The following ITPR2 variants were observed in gnomAD, a reference collection of about 807,000 sequenced individuals.
ITPR2 encodes the protein inositol 1,4,5-trisphosphate receptor type 2, also known as inositol 1,4,5-trisphosphate-gated calcium channel ITPR2.
Under a neutral mutation model 317.1 loss-of-function variants are expected in ITPR2, and 207 were observed. The ratio of observed to expected loss-of-function variants is 0.65; its 90% confidence interval spans 0.58 to 0.73. The LOEUF is 0.73. Ranked by LOEUF, ITPR2 falls within the 30% of genes least tolerant of loss-of-function variation. The pLI, the probability that ITPR2 is intolerant of heterozygous loss-of-function variation, is 0.00. For missense variants in ITPR2, 2,613 were observed against 3,284.0 expected (o/e 0.80, Z 4.99); for synonymous variants, 1,156 against 1,149.1 (o/e 1.01, Z -0.12).
chr12:26,388,487 CAG>C (rs1939732842), intron 54 of ITPR2, among the ~76,000 whole-genome samples: 1 of 152,028 alleles, frequency 6.6e-6, no homozygotes, highest in Non-Finnish European at 1.5e-5. Context: ...TTTTTTGAGA[CAG>C]AGTCTCACTC....
At position 26,656,293 on chromosome 12, in the gene ITPR2, A is replaced by T; in HGVS notation, c.2444+4T>A. On this transcript the variant is annotated splice_donor_region_variant and intron_variant, in intron 19 of 56. Coordinates refer to ENST00000381340, the MANE Select transcript of ITPR2 (RefSeq NM_002223.4). The stretch of plus-strand genomic sequence containing the variant: ...AAAGCCTCAAGACCTTTTTCCAAAC[A>T]TACTCATGAATTGTGATCTTTGTGG... 1.2e-6 allele frequency: 2 copies of T among 1,613,378 alleles called. No individual in the cohort carries two copies. The highest frequency in any genetic ancestry group is 1.7e-6 in the Non-Finnish European group (2 of 1,179,574).
chr12:26,538,578 T>C (rs1944167347), intron 37 of ITPR2, among the ~76,000 whole-genome samples: 2 of 151,982 alleles, frequency 1.3e-5, no homozygotes, highest in African/African-American at 2.4e-5. Flanking sequence ...TCTTTTTTTC[T>C]TTTTTTCTTT....
At chr12:26,401,734 C>G (rs927519264) in intron 52 of ITPR2, among the ~76,000 whole-genome samples, 1 of 152,214 alleles carries the variant, frequency 6.6e-6, no homozygotes, top group Non-Finnish European at 1.5e-5. Flanking sequence ...CTACGTGCTT[C>G]ATGCCTACAG....
chr12:26,522,098 A>G (rs1022173885), intron 37 of ITPR2, among the ~76,000 whole-genome samples: 2 of 152,260 alleles, frequency 1.3e-5, no homozygotes, highest in African/African-American at 4.8e-5. Flanking sequence ...CTAAGAACCA[A>G]AAAGAATAAA....
intron 32 of ITPR2, among the ~76,000 whole-genome samples, chr12:26,589,821 TAA>T (rs1565624275): frequency 0.038 from 1,202 of 31,372 alleles, 158 homozygotes; most frequent in Middle Eastern, 0.087. Context: ...AATAAATAAA[TAA>T]ATAAATAAAC....
At chr12:26,724,537 A>G (rs917691533) in intron 4 of ITPR2, 119 bp downstream of exon 4, 2 of 685,184 alleles carry the variant, frequency 2.9e-6, no homozygotes, top group Non-Finnish European at 5.3e-6. Flanking sequence ...CAACATCGAT[A>G]ATTCCCATCA....
At position 26,447,149 on chromosome 12, in the gene ITPR2, A is replaced by G. The variant is rs539960939; in HGVS notation, c.6343-3499T>C. Among the ~76,000 whole-genome samples, 14 of 152,232 alleles carry G rather than the reference A, an allele frequency of 9.2e-5. No individual in the cohort carries two copies. The East Asian group carries it at 2.3e-3, about 25-fold the overall frequency. ...GAATTTGATACATAAAATAGACTCA[A>G]TAAATATTTGTTGAAATCAATGAAG... is the stretch of plus-strand genomic sequence containing the variant. On this transcript the variant is annotated intron_variant, in intron 45 of 56. Coordinates refer to ENST00000381340, the MANE Select transcript of ITPR2 (RefSeq NM_002223.4).
chr12:26,465,886 C>T (rs1229933010), intron 45 of ITPR2, among the ~76,000 whole-genome samples: 1 of 152,186 alleles, frequency 6.6e-6, no homozygotes, highest in Non-Finnish European at 1.5e-5. Context: ...GACATTCCTG[C>T]TAGCATGTAA....
At chr12:26,550,182 C>A in intron 37 of ITPR2, 65 bp downstream of exon 37, 2 of 647,468 alleles carry the variant, frequency 3.1e-6, no homozygotes, top group South Asian at 2.0e-5. Context: ...TATTGTAATT[C>A]ATAGGTTACA....
chr12:26,636,536 AG>A (rs1946870714), intron 21 of ITPR2, among the ~76,000 whole-genome samples: 1 of 152,246 alleles, frequency 6.6e-6, no homozygotes, highest in Admixed American at 6.5e-5. Flanking sequence ...TATTGTAATA[AG>A]GTTTATATAA....
At chr12:26,449,995 G>A (rs1011360422) in intron 45 of ITPR2, among the ~76,000 whole-genome samples, 6 of 152,142 alleles carry the variant, frequency 3.9e-5, no homozygotes, top group Non-Finnish European at 1.5e-5. Flanking sequence ...ACTAGAGTCC[G>A]TACAAGAACA....
At chr12:26,693,751 T>A (rs1948283320) in intron 10 of ITPR2, among the ~76,000 whole-genome samples, 1 of 152,224 alleles carries the variant, frequency 6.6e-6, no homozygotes, top group South Asian at 2.1e-4. Flanking sequence ...ATCAGCTGTA[T>A]CACCGAATAT....
intron 32 of ITPR2, among the ~76,000 whole-genome samples, chr12:26,594,349 A>G (rs889325985): frequency 4.6e-5 from 7 of 152,046 alleles, no homozygotes; most frequent in African/African-American, 1.4e-4. Context: ...GTATTATCCA[A>G]GGGTGCTCTT....
At position 26,567,988 on chromosome 12, in the gene ITPR2, ATATATATATTATATATATT is replaced by A. The variant is rs1565609648; in HGVS notation, c.4631-6055_4631-6037del. 3.2e-3 allele frequency among the ~76,000 whole-genome samples: 362 copies of A among 111,830 alleles called. 14 individuals are homozygous for A. Among genetic ancestry groups the A allele is most frequent in the African/African-American group, 9.2e-3 (240 of 25,948 alleles). 73.4% of individuals were successfully genotyped at this position (111,830 alleles called of 152,430 possible). ...TATATATTATATATATTATATATAT[ATATATATATTATATATATT>A]ATATATATATATATATATATATATA... On this transcript the variant is annotated intron_variant, in intron 34 of 56. Transcript: ENST00000381340.
chr12:26,596,475 C>G (rs558764181), intron 31 of ITPR2, among the ~76,000 whole-genome samples: 2 of 152,068 alleles, frequency 1.3e-5, no homozygotes, highest in African/African-American at 2.4e-5. Context: ...GGTGAAACCC[C>G]ATTTCTACTA....
chr12:26,757,473 C>T (rs1301389919), intron 2 of ITPR2, among the ~76,000 whole-genome samples: 1 of 152,174 alleles, frequency 6.6e-6, no homozygotes, highest in Non-Finnish European at 1.5e-5. Flanking sequence ...TCCTTGGCCT[C>T]CCAAAGTGCT....
chr12:26,657,910 A>C lies in ITPR2; in HGVS notation c.2007-18T>G. 6.2e-7 allele frequency: 1 copy of C among 1,609,646 alleles called. No homozygotes were observed. Among genetic ancestry groups the C allele is most frequent in the Non-Finnish European group, 8.5e-7 (1 of 1,177,112 alleles). On this transcript the variant is annotated intron_variant, in intron 17 of 56. Transcript: ENST00000381340. ...AGACCACCCTTCAAATAAATAGCACATACAAAAATCTACTAAAAAGTACAC... is the reference window on the plus strand; with the variant it reads ...AGACCACCCTTCAAATAAATAGCACCTACAAAAATCTACTAAAAAGTACAC...
chr12:26,375,676 T>C (rs1939315872), intron 55 of ITPR2, among the ~76,000 whole-genome samples: 1 of 152,250 alleles, frequency 6.6e-6, no homozygotes, highest in Non-Finnish European at 1.5e-5. Context: ...TTTCTCAGTC[T>C]ATATAGTTTC....
intron 55 of ITPR2, among the ~76,000 whole-genome samples, chr12:26,360,045 A>G (rs143123882): frequency 1.6e-4 from 24 of 152,204 alleles, no homozygotes; most frequent in African/African-American, 5.5e-4. Flanking sequence ...CAAAGAGAAG[A>G]AGGAGGCCAC....
Sources: allele counts gnomAD v4.1 joint callset (sites outside exome capture counted in the v4.1 genomes callset), GRCh38; gene constraint gnomAD v4.1.1; transcripts MANE v1.5; gene names NCBI Gene and HGNC (gene_info 2026-07-23, HGNC 2026-07-21).